Variants in GSTA1 observed in about 807,000 individuals in gnomAD.
The protein encoded by GSTA1 is glutathione S-transferase A1.
In GSTA1, 23 loss-of-function variants were observed where a neutral mutation model predicts 21.5. That is an observed-to-expected ratio of 1.07 (90% CI 0.77 to 1.52). The LOEUF (loss-of-function observed/expected upper bound fraction) is 1.52, where lower values mean the gene tolerates loss of function less well. Among genes scored for constraint, GSTA1 ranks in the 40% most tolerant of loss-of-function variants. GSTA1 has a pLI of 0.00. For synonymous variants in GSTA1, 125 were observed against 90.0 expected (o/e 1.39, Z -2.20); for missense variants, 301 against 264.2 (o/e 1.14, Z -0.96).
intron 2 of GSTA1, 44 bp from the exon 3 acceptor site, chr6:52,797,681 T>C (rs1763622469): frequency 6.6e-7 from 1 of 1,526,070 alleles, no homozygotes; most frequent in Non-Finnish European, 9.1e-7. Context: ...GTTCATTCTA[T>C]TATAGACTGT....
chr6:52,792,625 A>C, intron 6 of GSTA1: 3 of 1,098,448 alleles, frequency 2.7e-6, no homozygotes, highest in Non-Finnish European at 3.7e-6. Context: ...GGTTCTTTCC[A>C]TAATAAAGGG....
At chr6:52,792,651 G>A (rs1763484362) in intron 6 of GSTA1, 3 of 1,306,012 alleles carry the variant, frequency 2.3e-6, no homozygotes, top group African/African-American at 3.0e-5. Flanking sequence ...TACTCTTTGT[G>A]GGGTAGCATG....
At chr6:52,798,156 C>G (rs1763633486) in intron 2 of GSTA1, among the ~76,000 whole-genome samples, 1 of 152,192 alleles carries the variant, frequency 6.6e-6, no homozygotes, top group African/African-American at 2.4e-5. Flanking sequence ...TTCACACTTG[C>G]AACTGTAATT....
At chr6:52,803,061 C>G (rs1333758406) in intron 1 of GSTA1, among the ~76,000 whole-genome samples, 3 of 152,066 alleles carry the variant, frequency 2.0e-5, no homozygotes, top group Non-Finnish European at 2.9e-5. Flanking sequence ...TGAGCAAGGT[C>G]TAGAGACATT....
chr6:52,801,804 G>A (rs1242443521), intron 1 of GSTA1, among the ~76,000 whole-genome samples: 1 of 152,092 alleles, frequency 6.6e-6, no homozygotes, highest in African/African-American at 2.4e-5. Context: ...ACAACCCTGG[G>A]AAATGGCTCC....
At chr6:52,799,396 C>T (rs184135208) in intron 1 of GSTA1, 99 bp from the exon 2 acceptor site, 1 of 755,592 alleles carries the variant, frequency 1.3e-6, no homozygotes. Context: ...TGAAGAAGAA[C>T]CTTCCTTCTT....
In GSTA1 at chr6:52,796,399, A is replaced by C. The variant is rs1763583856; in HGVS notation, c.140-85T>G. The stretch of plus-strand genomic sequence containing the variant: ...GAACAAATGGTTGTGGAAATGACTA[A>C]ATTTGTAAAATGGCAAAGAAATTAC... On this transcript the variant is annotated intron_variant, in intron 3 of 6. Coordinates refer to ENST00000334575, the MANE Select transcript of GSTA1 (RefSeq NM_145740.5). 4 of 1,566,060 alleles carry C rather than the reference A, an allele frequency of 2.6e-6. No homozygotes were observed. In the South Asian group the frequency reaches 4.7e-5, roughly 18 times the overall value.
At chr6:52,795,383 T>C (rs963131137) in intron 4 of GSTA1, among the ~76,000 whole-genome samples, 1 of 152,246 alleles carries the variant, frequency 6.6e-6, no homozygotes, top group African/African-American at 2.4e-5. Context: ...ATATTTGAGT[T>C]GTTTCCACTT....
At chr6:52,800,870 A>G (rs181655727) in intron 1 of GSTA1, among the ~76,000 whole-genome samples, 71 of 152,222 alleles carry the variant, frequency 4.7e-4, no homozygotes, top group Non-Finnish European at 7.8e-4. Flanking sequence ...TTTAACAACT[A>G]ATGTATTTAT....
intron 6 of GSTA1, 78 bp from the exon 7 acceptor site, chr6:52,792,058 C>A: frequency 6.3e-7 from 1 of 1,592,276 alleles, no homozygotes; most frequent in Non-Finnish European, 8.5e-7. Flanking sequence ...GAATCTGAGC[C>A]CCTCCTGCAA....
intron 1 of GSTA1, 105 bp from the exon 2 acceptor site, chr6:52,799,402 T>C (rs770499716): frequency 4.1e-6 from 3 of 732,306 alleles, no homozygotes; most frequent in Non-Finnish European, 4.4e-6. Flanking sequence ...AGAACCTTCC[T>C]TCTTCATGAC....
At chr6:52,800,277 G>C (rs1276297400) in intron 1 of GSTA1, among the ~76,000 whole-genome samples, 1 of 152,186 alleles carries the variant, frequency 6.6e-6, no homozygotes. Context: ...AACTTTCTCA[G>C]AGTAAATGAT....
intron 1 of GSTA1, among the ~76,000 whole-genome samples, chr6:52,802,045 A>C (rs757724077): frequency 1.3e-4 from 20 of 152,184 alleles, no homozygotes; most frequent in Non-Finnish European, 2.5e-4. Flanking sequence ...CGAGAGGGGA[A>C]CATCTAATTC....
chr6:52,799,482 C>A (rs1244885413), intron 1 of GSTA1, among the ~76,000 whole-genome samples, 185 bp from the exon 2 acceptor site: 2 of 152,160 alleles, frequency 1.3e-5, no homozygotes, highest in African/African-American at 2.4e-5. Flanking sequence ...CCCTCAGATT[C>A]CAGCAAACCA....
At chr6:52,799,354 T>G in intron 1 of GSTA1, 57 bp from the exon 2 acceptor site, 2 of 1,196,126 alleles carry the variant, frequency 1.7e-6, no homozygotes, top group Non-Finnish European at 2.4e-6. Context: ...AAATGTACTT[T>G]AGGATATGTA....
intron 3 of GSTA1, among the ~76,000 whole-genome samples, 175 bp from the exon 4 acceptor site, chr6:52,796,489 A>ATGTGTGTG (rs1303717345): frequency 7.6e-5 from 1 of 13,076 alleles, no homozygotes; most frequent in African/African-American, 4.4e-4. Context: ...ATATATATAT[A>ATGTGTGTG]TGTGTGTGTG....
chr6:52,796,543 A>ATATATTTTTT (rs1300549721), intron 3 of GSTA1, among the ~76,000 whole-genome samples: 574 of 23,616 alleles, frequency 0.024, 50 homozygotes, highest in Non-Finnish European at 0.047. Context: ...ATATATATAT[A>ATATATTTTTT]TTTTTTTTTT....
At position 52,791,707 on chromosome 6, in the gene GSTA1, C is replaced by A; in HGVS notation, c.*151G>T. On this transcript the variant is annotated 3_prime_UTR_variant, in exon 7 of 7. Transcript: ENST00000334575. ...AACAAATCAATTTTAACTAAGTCAG[C>A]GAATAGGAGTTGTATTATTTAATTA... 1 of 856,870 alleles carries A rather than the reference C, an allele frequency of 1.2e-6. No individual in the cohort carries two copies. Among genetic ancestry groups the A allele is most frequent in the African/African-American group, 1.7e-5 (1 of 58,548 alleles). 53.1% of individuals were successfully genotyped at this position (856,870 alleles called of 1,614,324 possible).
chr6:52,796,542 TA>T (rs1300370314), intron 3 of GSTA1, among the ~76,000 whole-genome samples: 6 of 54,294 alleles, frequency 1.1e-4, no homozygotes, highest in African/African-American at 3.5e-4. Context: ...TATATATATA[TA>T]TTTTTTTTTT....
Sources: gnomAD v4.1 joint callset for allele counts (sites outside exome capture counted in the v4.1 genomes callset) on GRCh38, gnomAD v4.1.1 for gene constraint, MANE v1.5 for transcripts, NCBI Gene and HGNC (gene_info 2026-07-23, HGNC 2026-07-21) for gene names.